Variants in THEMIS2 observed in about 807,000 individuals in gnomAD.
THEMIS2 encodes protein THEMIS2.
In THEMIS2, 29 loss-of-function variants were observed where a neutral mutation model predicts 46.8. That is an observed-to-expected ratio of 0.62 (90% CI 0.46 to 0.84). THEMIS2 has a LOEUF of 0.84. THEMIS2 is among the 40% of genes least tolerant of loss of function. The pLI, the probability that THEMIS2 is intolerant of heterozygous loss-of-function variation, is 0.00. For missense variants in THEMIS2, 698 were observed against 834.7 expected (o/e 0.84, Z 2.02); for synonymous variants, 335 against 349.1 (o/e 0.96, Z 0.45).
rs1471122976 is a variant in THEMIS2, at chr1:27,885,961, G to A, written c.*39G>A. The stretch of plus-strand genomic sequence containing the variant: ...CACGCTTCCTAACTGCTGCTTCTCA[G>A]GGAATCCGACACCAGCCAACCATTT... On this transcript the variant is annotated 3_prime_UTR_variant, in exon 6 of 6. Transcript: ENST00000373921. 6.2e-7 allele frequency: 1 copy of A among 1,605,626 alleles called. No homozygotes were observed. The highest frequency in any genetic ancestry group is 8.5e-7 in the Non-Finnish European group (1 of 1,172,486).
chr1:27,876,563 G>A, intron 1 of THEMIS2, 25 bp from the exon 2 acceptor site: 2 of 1,609,882 alleles, frequency 1.2e-6, no homozygotes, highest in Middle Eastern at 1.7e-4. Context: ...TGTCCAATGG[G>A]GAAATGGAGT....
chr1:27,883,108 T>C, intron 4 of THEMIS2, 65 bp downstream of exon 4: 2 of 1,370,344 alleles, frequency 1.5e-6, no homozygotes, highest in South Asian at 1.3e-5. Context: ...CTTTGTCATG[T>C]CTGCCTGTCA....
chr1:27,884,513 G>C (rs1329370868), intron 4 of THEMIS2: 10 of 152,264 alleles, frequency 6.6e-5, no homozygotes, highest in Non-Finnish European at 5.9e-5. Context: ...TGAAACATCC[G>C]AAACACAGGC....
chr1:27,881,506 A>C (rs1438482531), intron 3 of THEMIS2, among the ~76,000 whole-genome samples: 1 of 150,918 alleles, frequency 6.6e-6, no homozygotes, highest in Non-Finnish European at 1.5e-5. Flanking sequence ...GCGTAGTGTA[A>C]ATTGGAAGAT....
chr1:27,884,284 C>G (rs1199213408), intron 4 of THEMIS2: 1 of 152,296 alleles, frequency 6.6e-6, no homozygotes, highest in Non-Finnish European at 1.5e-5. Flanking sequence ...CTTCTAACTA[C>G]CGTGGTCTGC....
At position 27,872,570 on chromosome 1, in the gene THEMIS2, C is replaced by T; in HGVS notation, c.-2C>T. On this transcript the variant is annotated 5_prime_UTR_variant, in exon 1 of 6. Transcript: ENST00000373921. This position sits in a 1 kb window ranked among gnomAD's most constrained non-coding sequence, Gnocchi z 4.9. ...GTCTGAGCCCAGAGAGCCGCGGGGACCATGGAGCCGGTGCCGCTGCAGGAC... is the reference window on the plus strand; with the variant it reads ...GTCTGAGCCCAGAGAGCCGCGGGGATCATGGAGCCGGTGCCGCTGCAGGAC... 6 of 1,488,538 alleles carry T rather than the reference C, an allele frequency of 4.0e-6. No individual in the cohort carries two copies. Among genetic ancestry groups the T allele is most frequent in the Non-Finnish European group, 5.3e-6 (6 of 1,122,206 alleles). The allele number at this position is 1,488,538 out of a possible 1,614,324, so 92.2% of individuals were successfully genotyped here.
intron 4 of THEMIS2, 78 bp from the exon 5 acceptor site, chr1:27,885,217 A>C (rs1426275758): frequency 1.3e-6 from 2 of 1,487,136 alleles, no homozygotes; most frequent in Non-Finnish European, 1.8e-6. Flanking sequence ...AGTGACACTT[A>C]ACGTGAATGA....
chr1:27,874,866 T>C (rs140673936), intron 1 of THEMIS2, among the ~76,000 whole-genome samples: 173 of 152,222 alleles, frequency 1.1e-3, no homozygotes, highest in African/African-American at 4.0e-3. Context: ...CCCAAAGTGT[T>C]GGGATTACAA....
chr1:27,885,995 T>G lies in THEMIS2; in HGVS notation c.*73T>G. On this transcript the variant is annotated 3_prime_UTR_variant, in exon 6 of 6. Transcript: ENST00000373921. ...ACACCAGCCAACCATTTTAAGCCTC[T>G]AAAAGACCTCGGGCAAGTCTCACAG... 1 of 1,474,840 alleles carries G rather than the reference T, an allele frequency of 6.8e-7. No individual in the cohort carries two copies. The highest frequency in any genetic ancestry group is 9.5e-7 in the Non-Finnish European group (1 of 1,056,778). 91.4% of individuals were successfully genotyped at this position (1,474,840 alleles called of 1,614,324 possible).
In THEMIS2 at chr1:27,882,246, C is replaced by A; in HGVS notation, c.922C>A (p.Arg308Ser). Residue 308 changes from arginine (R) to serine (S), a missense_variant, in exon 4 of 6, where the codon CGC (arginine) becomes AGC (serine). Transcript: ENST00000373921. The surrounding 1 kb of genome is among the most constrained non-coding windows in gnomAD (Gnocchi z 7.6). ...PWRVLASSKG[R>S]KVPRHFLVSG... ...GCGGGTCCTGGCCTCAAGCAAGGGC[C>A]GCAAGGTGCCCAGGCACTTCCTGGT... 1 of 1,608,384 alleles carries A rather than the reference C, an allele frequency of 6.2e-7. No homozygotes were observed. The highest frequency in any genetic ancestry group is 8.5e-7 in the Non-Finnish European group (1 of 1,176,594).
Position 27,885,449 on chromosome 1 carries a change from T to C in THEMIS2, c.1874T>C (p.Leu625Pro), listed in dbSNP as rs753926351. Residue 625 changes from leucine (L) to proline (P), a missense_variant and splice_region_variant, in exon 5 of 6, where the codon CTA becomes CCA. By Grantham distance (98) the Leu-to-Pro change is moderately conservative (BLOSUM62 -3). Coordinates refer to ENST00000373921, the MANE Select transcript of THEMIS2 (RefSeq NM_001105556.3). ...CCCGCTAAGCCCCAAAGGCAGGATC[T>C]AGGTGAGTCCCTGTGGGCGCTGCTC... The part of the protein sequence containing the change: ...HRPAKPQRQD[L>P]DDDEHDYEEI... The C allele has an allele frequency of 6.2e-7, 1 of 1,613,288 alleles. No homozygotes were observed. Among genetic ancestry groups the C allele is most frequent in the South Asian group, 1.1e-5 (1 of 91,054 alleles).
At chr1:27,881,696 C>T (rs532047405) in intron 3 of THEMIS2, among the ~76,000 whole-genome samples, 1 of 151,830 alleles carries the variant, frequency 6.6e-6, no homozygotes, top group African/African-American at 2.4e-5. Context: ...GGCATGGTGG[C>T]GGGCGCCTGT....
chr1:27,883,425 A>C, intron 4 of THEMIS2: 1 of 191,458 alleles, frequency 5.2e-6, no homozygotes, highest in Admixed American at 5.3e-5. Context: ...AGGCTCTTAC[A>C]AAAGCTGTCA....
chr1:27,878,375 CT>C (rs1157178558), intron 2 of THEMIS2, among the ~76,000 whole-genome samples: 1 of 12,632 alleles, frequency 7.9e-5, no homozygotes, highest in African/African-American at 3.0e-4. Context: ...GAGACAGGGT[CT>C]TGCTATGTTC....
At position 27,882,372 on chromosome 1, in the gene THEMIS2, G is replaced by A; in HGVS notation, c.1048G>A (p.Val350Met). 1 of 1,592,102 alleles carries A rather than the reference G, an allele frequency of 6.3e-7. No individual in the cohort carries two copies. Among genetic ancestry groups the A allele is most frequent in the Non-Finnish European group, 8.6e-7 (1 of 1,166,780 alleles). Residue 350 changes from valine to methionine, a missense_variant, in exon 4 of 6, where the codon GTG becomes ATG. Transcript: ENST00000373921. The surrounding 1 kb of genome is among the most constrained non-coding windows in gnomAD (Gnocchi z 7.6). ...AFQPGRPLRVVATKDCEGERE... is the reference protein window; with the variant it reads ...AFQPGRPLRVMATKDCEGERE... Reference sequence around the variant, plus strand: ...CCAGCCAGGCCGGCCACTCCGGGTGGTGGCCACAAAGGACTGTGAGGGCGA... The same window carrying A: ...CCAGCCAGGCCGGCCACTCCGGGTGATGGCCACAAAGGACTGTGAGGGCGA...
At chr1:27,881,792 C>T (rs2089682237) in intron 3 of THEMIS2, among the ~76,000 whole-genome samples, 179 bp from the exon 4 acceptor site, 1 of 151,576 alleles carries the variant, frequency 6.6e-6, no homozygotes, top group Non-Finnish European at 1.5e-5. Context: ...TGTGCCATTG[C>T]ATTCCAGCCT....
rs757308881 is a variant in THEMIS2, at chr1:27,879,649, T to C, written c.241T>C (p.Phe81Leu). Reference sequence around the variant, plus strand: ...CTCTCTGCTGTCCCCCACAGGCTACTTCACCCCCCTCAACACCCCACAGAG... The same window carrying C: ...CTCTCTGCTGTCCCCCACAGGCTACCTCACCCCCCTCAACACCCCACAGAG... Reference protein sequence around the residue: ...MELAPNFQGYFTPLNTPQSYE... With the variant: ...MELAPNFQGYLTPLNTPQSYE... Residue 81 changes from phenylalanine (F) to leucine (L), a missense_variant, in exon 3 of 6, where the codon TTC (phenylalanine) becomes CTC (leucine). Phe to Leu is a conservative substitution (Grantham distance 22, BLOSUM62 0). Transcript: ENST00000373921. 6.3e-7 allele frequency: 1 copy of C among 1,590,976 alleles called. No homozygotes were observed.
chr1:27,884,733 AG>A, intron 4 of THEMIS2: 1 of 154,224 alleles, frequency 6.5e-6, no homozygotes, highest in South Asian at 1.9e-4. Flanking sequence ...CTGCCTCTAC[AG>A]GTCACAGGCG....
Position 27,882,962 on chromosome 1 carries a change from G to A in THEMIS2, c.1638G>A (p.Glu546=). ...GTCTTCGGAAGTTACCAGCCTGTGA[G>A]ATCCAAGCCCCCCCACCCAGGCCCC... The part of the protein sequence containing the change: ...YYRLRKLPAC[E]IQAPPPRPPK... The change falls in exon 4 of 6, where the codon GAG becomes GAA. Residue 546 remains glutamate (E), a synonymous_variant. Transcript: ENST00000373921. This position sits in a 1 kb window ranked among gnomAD's most constrained non-coding sequence, Gnocchi z 7.6. 6.2e-7 allele frequency: 1 copy of A among 1,613,840 alleles called. No homozygotes were observed. The highest frequency in any genetic ancestry group is 8.5e-7 in the Non-Finnish European group (1 of 1,179,978).
Sources: gnomAD v4.1 joint callset for allele counts (sites outside exome capture counted in the v4.1 genomes callset) on GRCh38, gnomAD v4.1.1 for gene constraint, Gnocchi (gnomAD v3.1) non-coding constraint, MANE v1.5 for transcripts, NCBI Gene and HGNC (gene_info 2026-07-23, HGNC 2026-07-21) for gene names.